NFATC3: variants seen among roughly 807,000 people sequenced by gnomAD.
NFATC3 encodes the protein nuclear factor of activated T cells 3.
NFATC3 carries 46 observed loss-of-function variants against 98.6 expected under a neutral mutation model. That is an observed-to-expected ratio of 0.47 (90% CI 0.37 to 0.60). NFATC3 has a LOEUF of 0.60. NFATC3 is among the 20% of genes least tolerant of loss of function. NFATC3 has a pLI of 0.00. For missense variants in NFATC3, 1,256 were observed against 1,295.5 expected (o/e 0.97, Z 0.47); for synonymous variants, 512 against 472.2 (o/e 1.08, Z -1.09).
intron 3 of NFATC3, 56 bp from the exon 4 acceptor site, chr16:68,157,813 T>C (rs2038695776): frequency 7.1e-7 from 1 of 1,405,280 alleles, no homozygotes. Context: ...TGTTGGCATA[T>C]TGTAAAATGC....
At chr16:68,091,031 T>A (rs1567491654) in intron 1 of NFATC3, among the ~76,000 whole-genome samples, 1 of 152,196 alleles carries the variant, frequency 6.6e-6, no homozygotes, top group Non-Finnish European at 1.5e-5. Context: ...TCAGCAAGTA[T>A]GGGGAAAAAT....
At chr16:68,197,101 G>A (rs2040710547) in intron 9 of NFATC3, among the ~76,000 whole-genome samples, 1 of 151,616 alleles carries the variant, frequency 6.6e-6, no homozygotes, top group African/African-American at 2.4e-5. Flanking sequence ...GGAATATCTC[G>A]TTTTTAATTT....
At chr16:68,209,790 A>C (rs2041298078) in intron 9 of NFATC3, 2 of 419,898 alleles carry the variant, frequency 4.8e-6, no homozygotes, top group Non-Finnish European at 9.2e-6. Flanking sequence ...AAGTACTTCA[A>C]ATGCAAGAAA....
chr16:68,114,835 A>G (rs1435216995), intron 1 of NFATC3, among the ~76,000 whole-genome samples: 2 of 152,084 alleles, frequency 1.3e-5, no homozygotes, highest in African/African-American at 4.8e-5. Context: ...TGCCTCCCAA[A>G]GTGCTGAGAT....
intron 8 of NFATC3, among the ~76,000 whole-genome samples, chr16:68,187,821 G>T (rs949236313): frequency 1.3e-5 from 2 of 152,190 alleles, no homozygotes; most frequent in African/African-American, 2.4e-5. Context: ...CCGTAAGTTC[G>T]CACTCTGGTC....
chr16:68,124,800 G>T (rs1260497792), intron 2 of NFATC3, among the ~76,000 whole-genome samples: 1 of 150,926 alleles, frequency 6.6e-6, no homozygotes, highest in Non-Finnish European at 1.5e-5. Flanking sequence ...CATGATCTCA[G>T]CTCACTGCCA....
intron 7 of NFATC3, among the ~76,000 whole-genome samples, chr16:68,182,683 G>A (rs1323209131): frequency 6.6e-6 from 1 of 151,796 alleles, no homozygotes; most frequent in African/African-American, 2.4e-5. Flanking sequence ...ATCATGCCTG[G>A]CTAATTTGTA....
At chr16:68,098,026 G>A (rs1037380768) in intron 1 of NFATC3, among the ~76,000 whole-genome samples, 1 of 152,028 alleles carries the variant, frequency 6.6e-6, no homozygotes, top group African/African-American at 2.4e-5. Flanking sequence ...GTTATTGAGT[G>A]TATCAGTAGG....
chr16:68,145,123 T>TTC (rs1196367391), intron 3 of NFATC3, among the ~76,000 whole-genome samples: 6 of 151,306 alleles, frequency 4.0e-5, no homozygotes, highest in South Asian at 2.1e-4. Context: ...CAACTTTTCT[T>TTC]TCTCTCTCTC....
intron 5 of NFATC3, among the ~76,000 whole-genome samples, chr16:68,168,861 A>T (rs2039336743): frequency 6.6e-6 from 1 of 152,132 alleles, no homozygotes; most frequent in African/African-American, 2.4e-5. Flanking sequence ...TTGGAGTGAT[A>T]CTTTATCATT....
At chr16:68,115,617 G>T (rs1261650355) in intron 1 of NFATC3, among the ~76,000 whole-genome samples, 1 of 151,966 alleles carries the variant, frequency 6.6e-6, no homozygotes. Flanking sequence ...TAGAGACAGG[G>T]TTTCACCATG....
rs374207800 is a variant in NFATC3, at chr16:68,092,318, G to A, written c.103+6534G>A. On this transcript the variant is annotated intron_variant, in intron 1 of 9. Transcript: ENST00000346183. The stretch of plus-strand genomic sequence containing the variant: ...TAAAAATACAAAAAATTAGCTGGAT[G>A]TGGTGGCGGGCGCTGTAATCCCGGC... Among the ~76,000 whole-genome samples the A allele has an allele frequency of 6.2e-3, 938 of 151,710 alleles. 11 individuals are homozygous for A. Among genetic ancestry groups the A allele is most frequent in the African/African-American group, 0.022 (896 of 41,320 alleles).
At chr16:68,208,546 A>C (rs535268472) in intron 9 of NFATC3, among the ~76,000 whole-genome samples, 1 of 152,230 alleles carries the variant, frequency 6.6e-6, no homozygotes, top group South Asian at 2.1e-4. Context: ...CCTGGCCAAC[A>C]TGGGGAAACT....
chr16:68,122,595 A>C lies in NFATC3; in HGVS notation c.712A>C (p.Arg238=). The C allele has an allele frequency of 6.2e-7, 1 of 1,614,052 alleles. No homozygotes were observed. ...QYGLGHSLSP[R]QSPCHSPRSS... is the part of the protein sequence containing the mutation. Reference sequence around the variant, plus strand: ...TGGACTTGGACACTCATTATCACCCAGGCAATCTCCTTGCCACTCTCCTAG... The same window carrying C: ...TGGACTTGGACACTCATTATCACCCCGGCAATCTCCTTGCCACTCTCCTAG... Residue 238 remains arginine (R), a synonymous_variant, in exon 2 of 10, where the codon AGG becomes CGG. Transcript: ENST00000346183.
chr16:68,100,911 T>TGGG (rs2035313795), intron 1 of NFATC3, among the ~76,000 whole-genome samples: 5 of 139,574 alleles, frequency 3.6e-5, no homozygotes, highest in African/African-American at 5.0e-5. Flanking sequence ...GTGTGGGGTG[T>TGGG]GTGTGTGTGT....
At chr16:68,189,722 A>G (rs2040357642) in intron 8 of NFATC3, among the ~76,000 whole-genome samples, 1 of 152,114 alleles carries the variant, frequency 6.6e-6, no homozygotes, top group African/African-American at 2.4e-5. Flanking sequence ...CCTGCCTTCC[A>G]TGGTTAAATC....
At chr16:68,089,056 T>A in intron 1 of NFATC3, 1 of 985,456 alleles carries the variant, frequency 1.0e-6, no homozygotes, top group Non-Finnish European at 1.2e-6. Context: ...CGAGAATTGT[T>A]TCAGTTCTTT....
intron 1 of NFATC3, among the ~76,000 whole-genome samples, chr16:68,103,029 G>T (rs72790386): frequency 0.025 from 3,860 of 151,814 alleles, 83 homozygotes; most frequent in Non-Finnish European, 0.035. Flanking sequence ...CTATTCATGT[G>T]CTTTGTCCAT....
At chr16:68,094,306 T>C (rs1490195256) in intron 1 of NFATC3, among the ~76,000 whole-genome samples, 4 of 152,160 alleles carry the variant, frequency 2.6e-5, no homozygotes, top group Admixed American at 2.6e-4. Flanking sequence ...TTAAAGCGTT[T>C]AGATCTGTCG....
Sources: gnomAD v4.1 joint callset for allele counts (sites outside exome capture counted in the v4.1 genomes callset) on GRCh38, gnomAD v4.1.1 for gene constraint, MANE v1.5 for transcripts, NCBI Gene and HGNC (gene_info 2026-07-23, HGNC 2026-07-21) for gene names.